ZNF407: variants seen among roughly 807,000 people sequenced by gnomAD.
ZNF407 encodes zinc finger protein 407.
Under a neutral mutation model 131.2 loss-of-function variants are expected in ZNF407, and 17 were observed. The ratio of observed to expected loss-of-function variants is 0.13; its 90% CI spans 0.09 to 0.19. The LOEUF is 0.19. ZNF407 is among the 10% of genes least tolerant of loss of function. The pLI, the probability that ZNF407 is intolerant of heterozygous loss-of-function variation, is 1.00. For synonymous variants in ZNF407, 1,156 were observed against 1,062.0 expected (o/e 1.09, Z -1.72); for missense variants, 2,681 against 2,830.6 (o/e 0.95, Z 1.20).
At chr18:74,923,330 CTAA>C (rs1971871259) in intron 8 of ZNF407, among the ~76,000 whole-genome samples, 2 of 147,938 alleles carry the variant, frequency 1.4e-5, no homozygotes, top group Admixed American at 1.3e-4. Flanking sequence ...AACTATTGAA[CTAA>C]TAATGCAAAT....
chr18:74,775,527 G>A (rs1384015794), intron 3 of ZNF407, among the ~76,000 whole-genome samples: 1 of 152,174 alleles, frequency 6.6e-6, no homozygotes. Flanking sequence ...TCACATATTT[G>A]TCAGTTCCCA....
At chr18:74,775,843 C>G (rs942995261) in intron 3 of ZNF407, among the ~76,000 whole-genome samples, 1 of 152,146 alleles carries the variant, frequency 6.6e-6, no homozygotes, top group Non-Finnish European at 1.5e-5. Flanking sequence ...GGTGACATGT[C>G]TCACATGGCT....
chr18:74,951,626 A>G (rs752691848), intron 8 of ZNF407, among the ~76,000 whole-genome samples: 22 of 152,148 alleles, frequency 1.4e-4, no homozygotes, highest in Non-Finnish European at 2.8e-4. Context: ...TGGCATTTTT[A>G]TTTCAAAATT....
At chr18:74,702,049 G>A (rs1375115637) in intron 3 of ZNF407, among the ~76,000 whole-genome samples, 3 of 152,142 alleles carry the variant, frequency 2.0e-5, no homozygotes, top group African/African-American at 7.2e-5. Flanking sequence ...ATCTATAACG[G>A]AGACATGCCT....
At chr18:74,670,806 T>C (rs775514344) in intron 3 of ZNF407, among the ~76,000 whole-genome samples, 14 of 152,124 alleles carry the variant, frequency 9.2e-5, no homozygotes, top group Non-Finnish European at 1.8e-4. Flanking sequence ...GCTGGGACTA[T>C]AGGCATGTGC....
intron 4 of ZNF407, among the ~76,000 whole-genome samples, chr18:74,806,332 A>C (rs949854569): frequency 2.0e-5 from 3 of 152,266 alleles, no homozygotes; most frequent in African/African-American, 7.2e-5. Context: ...ACAGTGGCAC[A>C]GTGTGATATG....
chr18:74,621,737 A>G (rs1983519682), intron 1 of ZNF407, among the ~76,000 whole-genome samples: 1 of 152,174 alleles, frequency 6.6e-6, no homozygotes, highest in Admixed American at 6.5e-5. Flanking sequence ...CGTACTCAAG[A>G]GGAGGGGAAT....
chr18:74,975,828 T>A (rs974917962), intron 8 of ZNF407, among the ~76,000 whole-genome samples: 4 of 152,218 alleles, frequency 2.6e-5, no homozygotes, highest in Non-Finnish European at 5.9e-5. Context: ...AATGGTTGCC[T>A]GATACTAATG....
rs959838196 is a variant in ZNF407 at position 75,065,109 on chromosome 18, T to A, written c.*641T>A. 2.6e-5 allele frequency: 4 copies of A among 152,608 alleles called. No individual in the cohort carries two copies. Among genetic ancestry groups the A allele is most frequent in the Non-Finnish European group, 5.9e-5 (4 of 68,040 alleles). 9.5% of individuals were successfully genotyped at this position (152,608 alleles called of 1,614,324 possible). The stretch of plus-strand genomic sequence containing the variant: ...CTTCAAACAGTTTAGGTGTATTTGT[T>A]GCTCTGGTCACATTCTGCATAAAAG... On this transcript the variant is annotated 3_prime_UTR_variant, in exon 9 of 9. Coordinates refer to ENST00000299687, the MANE Select transcript of ZNF407 (RefSeq NM_017757.3).
chr18:74,819,311 A>C (rs1970309223), intron 4 of ZNF407, among the ~76,000 whole-genome samples: 1 of 152,154 alleles, frequency 6.6e-6, no homozygotes, highest in Non-Finnish European at 1.5e-5. Context: ...TTATGAGCAA[A>C]ATTTTCCTTT....
intron 3 of ZNF407, among the ~76,000 whole-genome samples, chr18:74,693,908 C>G (rs531422092): frequency 1.3e-5 from 2 of 152,126 alleles, no homozygotes; most frequent in African/African-American, 4.8e-5. Context: ...GTTACTGATT[C>G]TGTGCTCATT....
intron 8 of ZNF407, among the ~76,000 whole-genome samples, chr18:74,921,596 C>T (rs983380450): frequency 6.6e-6 from 1 of 152,132 alleles, no homozygotes; most frequent in Non-Finnish European, 1.5e-5. Flanking sequence ...CCTCACCAAG[C>T]CTGAGGTTTC....
chr18:74,858,652 T>C (rs1970893659), intron 4 of ZNF407, among the ~76,000 whole-genome samples: 1 of 152,250 alleles, frequency 6.6e-6, no homozygotes, highest in Non-Finnish European at 1.5e-5. Flanking sequence ...CTTTCTGCCC[T>C]GTTCAGTCAT....
chr18:74,645,271 A>G (rs1181209699), intron 3 of ZNF407, among the ~76,000 whole-genome samples: 1 of 152,068 alleles, frequency 6.6e-6, no homozygotes, highest in African/African-American at 2.4e-5. Context: ...CTGCAGTGTT[A>G]GTTTTTTTTA....
chr18:74,808,170 C>T (rs573770621), intron 4 of ZNF407, among the ~76,000 whole-genome samples: 4 of 152,250 alleles, frequency 2.6e-5, no homozygotes, highest in Admixed American at 6.5e-5. Context: ...TGTGCCACCA[C>T]GCTTGGCTAA....
chr18:74,977,242 T>A (rs1394163407), intron 8 of ZNF407, among the ~76,000 whole-genome samples: 1 of 152,248 alleles, frequency 6.6e-6, no homozygotes, highest in African/African-American at 2.4e-5. Context: ...GCAACTTGTA[T>A]TCATGTAGAT....
intron 7 of ZNF407, among the ~76,000 whole-genome samples, chr18:74,894,174 T>C (rs1212365059): frequency 6.6e-6 from 1 of 152,122 alleles, no homozygotes; most frequent in Non-Finnish European, 1.5e-5. Flanking sequence ...CCTCCTTCAT[T>C]AGCTTTTACT....
intron 4 of ZNF407, among the ~76,000 whole-genome samples, chr18:74,838,306 G>A (rs909164936): frequency 6.6e-6 from 1 of 152,082 alleles, no homozygotes; most frequent in Non-Finnish European, 1.5e-5. Flanking sequence ...GTTATATACT[G>A]GGACCTGAGG....
chr18:75,055,395 AC>A (rs1288492642), intron 8 of ZNF407, among the ~76,000 whole-genome samples: 1 of 152,110 alleles, frequency 6.6e-6, no homozygotes, highest in Admixed American at 6.5e-5. Flanking sequence ...GAAACAGTTA[AC>A]CTCTGCCCTT....
Sources: gnomAD v4.1 joint callset for allele counts (sites outside exome capture counted in the v4.1 genomes callset) on GRCh38, gnomAD v4.1.1 for gene constraint, MANE v1.5 for transcripts, NCBI Gene and HGNC (gene_info 2026-07-23, HGNC 2026-07-21) for gene names.